Variants in MCRIP1 observed in about 807,000 individuals in gnomAD.
MCRIP1 encodes MAPK regulated corepressor interacting protein 1.
In MCRIP1, 10 loss-of-function variants were observed where a neutral mutation model predicts 14.4. The ratio of observed to expected loss-of-function variants is 0.70; its 90% CI spans 0.43 to 1.18. The LOEUF is 1.18. MCRIP1 is among the 50% of genes most tolerant of loss of function. MCRIP1 has a pLI of 0.00. For missense variants in MCRIP1, 119 were observed against 135.4 expected (o/e 0.88, Z 0.60); for synonymous variants, 53 against 55.7 (o/e 0.95, Z 0.21).
intron 1 of MCRIP1, chr17:81,825,173 G>A (rs1001062430): frequency 1.9e-6 from 2 of 1,040,642 alleles, no homozygotes; most frequent in African/African-American, 3.4e-5. Flanking sequence ...CTCCCCTGGT[G>A]GGCAGAGGGG....
At chr17:81,832,130 C>T (rs1313943474) in intron 1 of MCRIP1, among the ~76,000 whole-genome samples, 8 of 152,166 alleles carry the variant, frequency 5.3e-5, no homozygotes, top group African/African-American at 1.9e-4. Flanking sequence ...TCACCATGCT[C>T]CTCCGGAGTT....
rs939450306 is a variant in MCRIP1 at position 81,832,961 on chromosome 17, C to T, written c.-49+277G>A. 4.6e-5 allele frequency among the ~76,000 whole-genome samples: 7 copies of T among 152,072 alleles called. No individual in the cohort carries two copies. In the South Asian group the frequency reaches 1.0e-3, roughly 22 times the overall value. ...CGAGCGTCCGGCGGCGCTGGGTCCC[C>T]GGCACCTGCCCCTGCCTGGGCGGGA... is the stretch of plus-strand genomic sequence containing the variant. On this transcript the variant is annotated intron_variant, in intron 1 of 4. Coordinates refer to ENST00000455127, the MANE Select transcript of MCRIP1 (RefSeq NM_207368.5).
intron 1 of MCRIP1, chr17:81,826,522 C>CA (rs4013609): frequency 0.04 from 20,146 of 506,682 alleles, 71 homozygotes; most frequent in Non-Finnish European, 0.044. Flanking sequence ...GACCCTGTGT[C>CA]AAAAAAAAAA....
At chr17:81,827,399 G>T (rs1380291080) in intron 1 of MCRIP1, among the ~76,000 whole-genome samples, 3 of 151,530 alleles carry the variant, frequency 2.0e-5, no homozygotes, top group African/African-American at 7.3e-5. Context: ...AGCCTCCCAA[G>T]TGGCTGGGAC....
chr17:81,832,913 G>C (rs1335760940), intron 1 of MCRIP1, among the ~76,000 whole-genome samples: 1 of 152,200 alleles, frequency 6.6e-6, no homozygotes, highest in Non-Finnish European at 1.5e-5. Flanking sequence ...AAGCCCCGAC[G>C]GCGGCAGAAG....
chr17:81,824,406 C>G lies in MCRIP1; in HGVS notation c.9-1G>C, dbSNP rs995819329. The stretch of plus-strand genomic sequence containing the variant: ...GTACACGACTCTGGAGACGGGGGAG[C>G]TGGGGGAGCCTGGCGCATGAGACAG... On this transcript the variant is annotated splice_acceptor_variant, in intron 2 of 4. Transcript: ENST00000455127. LOFTEE classifies it high-confidence loss of function. 6 of 1,533,476 alleles carry G rather than the reference C, an allele frequency of 3.9e-6. No homozygotes were observed. Among genetic ancestry groups the G allele is most frequent in the Non-Finnish European group, 5.2e-6 (6 of 1,144,748 alleles). 95.0% of individuals were successfully genotyped at this position (1,533,476 alleles called of 1,614,324 possible). A position where few individuals can be genotyped will look rare whatever the true frequency, so the allele number is the denominator to read the frequency against.
intron 1 of MCRIP1, chr17:81,826,296 C>A: frequency 1.3e-6 from 2 of 1,535,216 alleles, no homozygotes; most frequent in Admixed American, 3.9e-5. Context: ...ATACATCTGC[C>A]ACACACATGC....
chr17:81,827,188 G>T (rs1056566112), intron 1 of MCRIP1, among the ~76,000 whole-genome samples: 1 of 151,934 alleles, frequency 6.6e-6, no homozygotes, highest in Non-Finnish European at 1.5e-5. Flanking sequence ...AACACTTTGG[G>T]AGGCTAAAGA....
At position 81,832,982 on chromosome 17, in the gene MCRIP1, C is replaced by T. The variant is rs142060481; in HGVS notation, c.-49+256G>A. Among the ~76,000 whole-genome samples, 459 of 152,030 alleles carry T rather than the reference C, an allele frequency of 3.0e-3. 1 individual carries two copies. Among genetic ancestry groups the T allele is most frequent in the African/African-American group, 0.011 (448 of 41,518 alleles). On this transcript the variant is annotated intron_variant, in intron 1 of 4. Transcript: ENST00000455127. ...TCCCCGGCACCTGCCCCTGCCTGGG[C>T]GGGAAAGGCGCTCAGTCCGAGCCGC... is the stretch of plus-strand genomic sequence containing the variant.
intron 1 of MCRIP1, 47 bp downstream of exon 1, chr17:81,833,191 G>T (rs1451740340): frequency 1.4e-5 from 2 of 143,062 alleles, no homozygotes; most frequent in African/African-American, 5.0e-5. Flanking sequence ...AGCCGCGCCC[G>T]CCCCGCCCCG....
Position 81,833,245 on chromosome 17 carries a change from C to T in MCRIP1, c.-56G>A, listed in dbSNP as rs1040435879. ...GCGCCGCACCCGCCTCACCTCGCCCCGACCCGCCGCCACCGCCTCTTCCAG... is the reference window on the plus strand; with the variant it reads ...GCGCCGCACCCGCCTCACCTCGCCCTGACCCGCCGCCACCGCCTCTTCCAG... On this transcript the variant is annotated 5_prime_UTR_variant, in exon 1 of 5. Coordinates refer to ENST00000455127, the MANE Select transcript of MCRIP1 (RefSeq NM_207368.5). 1 of 150,702 alleles carries T rather than the reference C, an allele frequency of 6.6e-6. No homozygotes were observed. Among genetic ancestry groups the T allele is most frequent in the Non-Finnish European group, 1.5e-5 (1 of 67,574 alleles). The allele number at this position is 150,702 out of a possible 1,614,324, so 9.3% of individuals were successfully genotyped here. A position where few individuals can be genotyped will look rare whatever the true frequency, so the allele number is the denominator to read the frequency against.
At chr17:81,826,720 G>GA (rs1424228461) in intron 1 of MCRIP1, 9 of 259,356 alleles carry the variant, frequency 3.5e-5, no homozygotes, top group Middle Eastern at 1.3e-3. Flanking sequence ...TCGGGAGGCT[G>GA]AAACAGGAGA....
Position 81,825,391 on chromosome 17 carries a change from T to A in MCRIP1, c.-48-837A>T, listed in dbSNP as rs1050188862. ...AAGGTGGGGAAGCTGACAGGGCTGGTCTCCAGCCTGCCCTGCTCCAGAGGG... is the reference window on the plus strand; with the variant it reads ...AAGGTGGGGAAGCTGACAGGGCTGGACTCCAGCCTGCCCTGCTCCAGAGGG... On this transcript the variant is annotated intron_variant, in intron 1 of 4. Transcript: ENST00000455127. 2.9e-5 allele frequency: 34 copies of A among 1,185,852 alleles called. No individual in the cohort carries two copies. In the East Asian group the frequency reaches 1.9e-3, roughly 66 times the overall value. 73.5% of individuals were successfully genotyped at this position (1,185,852 alleles called of 1,614,324 possible). A position where few individuals can be genotyped will look rare whatever the true frequency, so the allele number is the denominator to read the frequency against.
intron 1 of MCRIP1, among the ~76,000 whole-genome samples, chr17:81,827,121 GAA>G (rs1251478457): frequency 6.2e-5 from 7 of 113,360 alleles, no homozygotes; most frequent in Non-Finnish European, 5.6e-5. Context: ...CCGTCTAAAA[GAA>G]AAAAAAAAAA....
rs2038335948 is a variant in MCRIP1 at position 81,824,263 on chromosome 17, G to T, written c.127+24C>A. On this transcript the variant is annotated intron_variant, in intron 3 of 4. Coordinates refer to ENST00000455127, the MANE Select transcript of MCRIP1 (RefSeq NM_207368.5). ...TGACTCCGTCAAGGACAGGGCAGGA[G>T]CTGTGTGTGGCAGGCGCACCCACCT... is the stretch of plus-strand genomic sequence containing the variant. 5 of 1,502,354 alleles carry T rather than the reference G, an allele frequency of 3.3e-6. No individual in the cohort carries two copies. The East Asian group carries it at 1.2e-4, about 37-fold the overall frequency. 93.1% of individuals were successfully genotyped at this position (1,502,354 alleles called of 1,614,324 possible).
intron 1 of MCRIP1, chr17:81,826,686 G>A (rs951500991): frequency 1.1e-5 from 4 of 369,966 alleles, no homozygotes; most frequent in Non-Finnish European, 2.0e-5. Flanking sequence ...GGGCGTGGTG[G>A]CAGGCACCCG....
chr17:81,826,862 G>A (rs867599373), intron 1 of MCRIP1, among the ~76,000 whole-genome samples: 1 of 143,578 alleles, frequency 7.0e-6, no homozygotes, highest in African/African-American at 2.6e-5. Flanking sequence ...GCTCACGCCT[G>A]TAATCCCAGC....
At chr17:81,831,732 C>T (rs936205659) in intron 1 of MCRIP1, among the ~76,000 whole-genome samples, 3 of 152,222 alleles carry the variant, frequency 2.0e-5, no homozygotes, top group Non-Finnish European at 4.4e-5. Context: ...GGGGCCACAG[C>T]ATTTGGGGCT....
chr17:81,828,836 T>C (rs1020336844), intron 1 of MCRIP1, among the ~76,000 whole-genome samples: 6 of 152,182 alleles, frequency 3.9e-5, no homozygotes, highest in African/African-American at 1.4e-4. Flanking sequence ...AAGCAAGCTC[T>C]GAACCAAGAG....
Sources: gnomAD v4.1 joint callset for allele counts (sites outside exome capture counted in the v4.1 genomes callset) on GRCh38, gnomAD v4.1.1 for gene constraint, MANE v1.5 for transcripts, NCBI Gene and HGNC (gene_info 2026-07-23, HGNC 2026-07-21) for gene names.